ARHGAP32: variants seen among roughly 807,000 people sequenced by gnomAD.
The protein encoded by ARHGAP32 is Rho GTPase activating protein 32, also known as rho GTPase-activating protein 32.
Under a neutral mutation model 186.5 loss-of-function variants are expected in ARHGAP32, and 51 were observed. The ratio of observed to expected loss-of-function variants is 0.27; its 90% CI spans 0.22 to 0.35. The LOEUF is 0.35. Ranked by LOEUF, ARHGAP32 falls within the 10% of genes least tolerant of loss-of-function variation. The probability of loss-of-function intolerance (pLI) is 1.00; values close to 1 mark genes in which losing one functional copy is unlikely to be tolerated. For synonymous variants in ARHGAP32, 950 were observed against 964.3 expected (o/e 0.99, Z 0.27); for missense variants, 2,186 against 2,623.5 (o/e 0.83, Z 3.64).
intron 11 of ARHGAP32, among the ~76,000 whole-genome samples, chr11:129,002,869 C>T (rs574392781): frequency 5.4e-5 from 7 of 130,236 alleles, no homozygotes; most frequent in Admixed American, 9.3e-5. Flanking sequence ...AGTGCAGTGG[C>T]GCGATCTCGG....
intron 10 of ARHGAP32, among the ~76,000 whole-genome samples, chr11:129,046,618 G>C (rs1040298842): frequency 1.3e-5 from 2 of 152,128 alleles, no homozygotes; most frequent in Non-Finnish European, 2.9e-5. Context: ...ACCCGGTTTG[G>C]CTTCTAAAGT....
chr11:129,025,134 C>T (rs900131498), intron 11 of ARHGAP32, among the ~76,000 whole-genome samples: 2 of 152,078 alleles, frequency 1.3e-5, no homozygotes, highest in Non-Finnish European at 1.5e-5. Context: ...TATTTAAAAA[C>T]ATTATTTATC....
At position 129,192,106 on chromosome 11, in the gene ARHGAP32, C is replaced by T; in HGVS notation, c.93G>A (p.Glu31=). 1 of 1,613,648 alleles carries T rather than the reference C, an allele frequency of 6.2e-7. No individual in the cohort carries two copies. The highest frequency in any genetic ancestry group is 8.5e-7 in the Non-Finnish European group (1 of 1,179,676). The change falls in exon 1 of 23, where the codon GAG becomes GAA. Residue 31 remains glutamate (E), a synonymous_variant. Coordinates refer to ENST00000682385, the MANE Select transcript of ARHGAP32 (RefSeq NM_001378024.1). ...EVIIQVTDCE[E]EEREEKFRKM... Reference sequence around the variant, plus strand: ...ACCTGAACTTCTCTTCCCTTTCTTCCTCTTCACAGTCAGTCACCTGGATTA... The same window carrying T: ...ACCTGAACTTCTCTTCCCTTTCTTCTTCTTCACAGTCAGTCACCTGGATTA...
At chr11:128,986,280 A>T (rs1945870544) in intron 14 of ARHGAP32, among the ~76,000 whole-genome samples, 195 bp from the exon 15 acceptor site, 1 of 152,204 alleles carries the variant, frequency 6.6e-6, no homozygotes, top group Non-Finnish European at 1.5e-5. Context: ...AACTAATTTT[A>T]AAAAGGCTTG....
At chr11:129,111,536 A>C (rs531351) in intron 5 of ARHGAP32, among the ~76,000 whole-genome samples, 79,873 of 151,854 alleles carry the variant, frequency 0.53, 21,414 homozygotes, top group South Asian at 0.64. Context: ...TGAGATTTTC[A>C]TTGTTAGAAG....
chr11:129,268,105 A>C (rs1945428532), intron 1 of ARHGAP32, among the ~76,000 whole-genome samples: 1 of 152,192 alleles, frequency 6.6e-6, no homozygotes, highest in Admixed American at 6.5e-5. Flanking sequence ...GCAGATCTGC[A>C]ATTTGTATCC....
chr11:129,003,105 T>A (rs1937607530), intron 11 of ARHGAP32, among the ~76,000 whole-genome samples: 1 of 152,238 alleles, frequency 6.6e-6, no homozygotes, highest in South Asian at 2.1e-4. Context: ...CAAGGGATGT[T>A]GAATTTTTAT....
chr11:129,207,368 G>T (rs185639242), intron 1 of ARHGAP32, among the ~76,000 whole-genome samples: 14 of 152,102 alleles, frequency 9.2e-5, no homozygotes, highest in African/African-American at 3.4e-4. Context: ...GTGTAAAAAC[G>T]TTCCTATTTC....
chr11:129,094,945 A>G (rs906776868), intron 5 of ARHGAP32, among the ~76,000 whole-genome samples: 6 of 152,202 alleles, frequency 3.9e-5, no homozygotes, highest in African/African-American at 1.4e-4. Context: ...GTGTCCACCC[A>G]GGTAACTAAT....
intron 1 of ARHGAP32, among the ~76,000 whole-genome samples, chr11:129,167,607 A>C (rs1035664316): frequency 6.6e-6 from 1 of 152,222 alleles, no homozygotes; most frequent in Non-Finnish European, 1.5e-5. Context: ...AAATAAAATA[A>C]GTCAGAGGCA....
intron 1 of ARHGAP32, among the ~76,000 whole-genome samples, chr11:129,266,802 G>A (rs1945406501): frequency 6.6e-6 from 1 of 152,106 alleles, no homozygotes; most frequent in African/African-American, 2.4e-5. Flanking sequence ...GGGCCTAAAG[G>A]ATGTGCCCAT....
At chr11:129,095,376 T>G (rs1002551203) in intron 5 of ARHGAP32, among the ~76,000 whole-genome samples, 15 of 152,162 alleles carry the variant, frequency 9.9e-5, no homozygotes, top group Non-Finnish European at 1.8e-4. Flanking sequence ...CACTGTAGTG[T>G]AATCACTAAA....
intron 1 of ARHGAP32, among the ~76,000 whole-genome samples, chr11:129,182,596 C>G (rs1016172861): frequency 6.6e-6 from 1 of 151,376 alleles, no homozygotes; most frequent in South Asian, 2.1e-4. Flanking sequence ...GTTCAAAATG[C>G]CTTCCTATTA....
intron 1 of ARHGAP32, among the ~76,000 whole-genome samples, chr11:129,216,694 G>T (rs1161756417): frequency 3.6e-5 from 4 of 111,928 alleles, no homozygotes; most frequent in Non-Finnish European, 5.9e-5. Flanking sequence ...AAAAAAAAAA[G>T]ACAATCTTTC....
intron 19 of ARHGAP32, among the ~76,000 whole-genome samples, chr11:128,977,227 C>T (rs1214641150): frequency 1.3e-5 from 2 of 152,188 alleles, no homozygotes; most frequent in Admixed American, 1.3e-4. Flanking sequence ...TTTTTTACCA[C>T]TTGACTTGTG....
rs752387395 is a variant in ARHGAP32 at position 129,138,313 on chromosome 11, AAAGAAC to A, written c.226-13425_226-13420del. ...CTTACTGGTAAAAAAAAAAAAAAAA[AAAGAAC>A]AATGCCGTCTTAAAAAGTAGAGCAT... On this transcript the variant is annotated intron_variant, in intron 2 of 22. Transcript: ENST00000682385. 3.9e-5 allele frequency among the ~76,000 whole-genome samples: 4 copies of A among 103,004 alleles called. 1 individual carries two copies. Among genetic ancestry groups the A allele is most frequent in the Non-Finnish European group, 4.2e-5 (2 of 47,344 alleles). 67.6% of individuals were successfully genotyped at this position (103,004 alleles called of 152,430 possible).
At chr11:129,043,232 A>G (rs557957490) in intron 10 of ARHGAP32, among the ~76,000 whole-genome samples, 6 of 152,322 alleles carry the variant, frequency 3.9e-5, no homozygotes, top group Admixed American at 2.6e-4. Context: ...TCCAAGTCAC[A>G]TAGCTGGAAA....
At chr11:129,076,482 A>G (rs898962800) in intron 6 of ARHGAP32, among the ~76,000 whole-genome samples, 1 of 152,206 alleles carries the variant, frequency 6.6e-6, no homozygotes, top group Non-Finnish European at 1.5e-5. Context: ...AATAGAAAAA[A>G]TTTCCACAAG....
intron 2 of ARHGAP32, among the ~76,000 whole-genome samples, chr11:129,128,874 C>T (rs915917747): frequency 2.0e-5 from 3 of 152,200 alleles, no homozygotes; most frequent in Non-Finnish European, 4.4e-5. Context: ...CGGAGTCTCG[C>T]TCACTCAGTG....
Sources: allele counts gnomAD v4.1 joint callset (sites outside exome capture counted in the v4.1 genomes callset), GRCh38; gene constraint gnomAD v4.1.1; transcripts MANE v1.5; gene names NCBI Gene and HGNC (gene_info 2026-07-23, HGNC 2026-07-21).